The following XKR9 variants were observed in gnomAD, a reference collection of about 807,000 sequenced individuals.
XKR9 encodes the protein XK-related protein 9.
In XKR9, 32 loss-of-function variants were observed where a neutral mutation model predicts 32.0. The ratio of observed to expected loss-of-function variants is 1.00; its 90% CI spans 0.76 to 1.34. XKR9 has a LOEUF of 1.34. XKR9 is among the 40% of genes most tolerant of loss of function. XKR9 has a pLI of 0.00. For synonymous variants in XKR9, 168 were observed against 143.4 expected, an observed-to-expected ratio of 1.17 and a Z score of -1.22; for missense variants, 546 against 429.7, an observed-to-expected ratio of 1.27 and a Z score of -2.39.
At chr8:70,727,320 A>T (rs1048085293) in intron 4 of XKR9, among the ~76,000 whole-genome samples, 1 of 140,132 alleles carries the variant, frequency 7.1e-6, no homozygotes, top group Non-Finnish European at 1.6e-5. Context: ...TGAATTAAAG[A>T]AGACAAGTTT....
intron 3 of XKR9, among the ~76,000 whole-genome samples, 158 bp from the exon 4 acceptor site, chr8:70,706,775 C>T (rs1158291081): frequency 6.6e-6 from 1 of 151,976 alleles, no homozygotes; most frequent in Non-Finnish European, 1.5e-5. Context: ...CTCAATAAAG[C>T]CACTATGAGA....
chr8:70,851,877 G>A, the XKR9 span, among the ~76,000 whole-genome samples: 1 of 152,146 alleles, frequency 6.6e-6, no homozygotes, highest in African/African-American at 2.4e-5. Context: ...GCATGGGCAA[G>A]GACTTCATGA....
chr8:70,873,085 C>T, the XKR9 span, among the ~76,000 whole-genome samples: 1 of 152,166 alleles, frequency 6.6e-6, no homozygotes, highest in Non-Finnish European at 1.5e-5. Flanking sequence ...TGGATGACAG[C>T]ACATATGTTT....
At chr8:70,796,821 A>G in the XKR9 span, among the ~76,000 whole-genome samples, 2 of 152,218 alleles carry the variant, frequency 1.3e-5, no homozygotes, top group African/African-American at 4.8e-5. Flanking sequence ...TATTTGTTGA[A>G]TGAACACTTA....
At chr8:70,681,547 G>T (rs1563418801) in intron 3 of XKR9, among the ~76,000 whole-genome samples, 1 of 151,920 alleles carries the variant, frequency 6.6e-6, no homozygotes, top group African/African-American at 2.4e-5. Context: ...ATCTAATTAG[G>T]TTTTTTCTGA....
At chr8:70,855,593 C>G in the XKR9 span, among the ~76,000 whole-genome samples, 2 of 152,240 alleles carry the variant, frequency 1.3e-5, no homozygotes, top group Non-Finnish European at 2.9e-5. Context: ...TCTAGGAAGG[C>G]AGGCCAACGT....
intron 2 of XKR9, among the ~76,000 whole-genome samples, chr8:70,762,160 A>G (rs919444056): frequency 3.3e-5 from 5 of 152,112 alleles, no homozygotes; most frequent in African/African-American, 1.2e-4. Context: ...ATTTTTGATT[A>G]GGATTGCCTT....
the XKR9 span, among the ~76,000 whole-genome samples, chr8:70,860,259 G>A: frequency 6.6e-6 from 1 of 152,018 alleles, no homozygotes; most frequent in African/African-American, 2.4e-5. Context: ...GTTCATGAAG[G>A]TGGAGCCCTC....
chr8:70,777,761 G>T (rs567555012), intron 2 of XKR9, among the ~76,000 whole-genome samples: 1 of 152,162 alleles, frequency 6.6e-6, no homozygotes, highest in Non-Finnish European at 1.5e-5. Flanking sequence ...ATCTTCTTTT[G>T]AGAAGTGTCT....
chr8:70,848,432 G>T, the XKR9 span, among the ~76,000 whole-genome samples: 5 of 151,740 alleles, frequency 3.3e-5, no homozygotes, highest in Non-Finnish European at 7.4e-5. Flanking sequence ...AATACTGAAA[G>T]TCCTGGCCAA....
chr8:70,857,899 T>C, the XKR9 span, among the ~76,000 whole-genome samples: 1 of 152,134 alleles, frequency 6.6e-6, no homozygotes, highest in Admixed American at 6.5e-5. Flanking sequence ...GAAAAGGCCT[T>C]TGACAAAATT....
At chr8:70,707,642 G>T (rs1222020140) in intron 4 of XKR9, among the ~76,000 whole-genome samples, 1 of 151,888 alleles carries the variant, frequency 6.6e-6, no homozygotes, top group African/African-American at 2.4e-5. Flanking sequence ...AAAAAATGCT[G>T]CAACGAGTAA....
chr8:70,716,306 A>G (rs987528542), intron 4 of XKR9, among the ~76,000 whole-genome samples: 6 of 152,156 alleles, frequency 3.9e-5, no homozygotes, highest in African/African-American at 1.2e-4. Context: ...AGCAATAAAA[A>G]CACTGCACTT....
intron 2 of XKR9, among the ~76,000 whole-genome samples, chr8:70,753,773 AT>A (rs1444646534): frequency 6.6e-6 from 1 of 151,334 alleles, no homozygotes; most frequent in East Asian, 1.9e-4. Flanking sequence ...TCTCAAAATA[AT>A]AAGAGCTATC....
chr8:70,845,760 CAA>C, the XKR9 span, among the ~76,000 whole-genome samples: 1 of 151,640 alleles, frequency 6.6e-6, no homozygotes, highest in African/African-American at 2.4e-5. Flanking sequence ...ACAAACAAAA[CAA>C]AGAAAAAATA....
At chr8:70,700,413 A>T (rs1164243227) in intron 3 of XKR9, among the ~76,000 whole-genome samples, 1 of 152,188 alleles carries the variant, frequency 6.6e-6, no homozygotes, top group East Asian at 1.9e-4. Context: ...CAGGACCCTC[A>T]GCTGCAGGTC....
the XKR9 span, among the ~76,000 whole-genome samples, chr8:70,981,382 C>G: frequency 1.3e-5 from 2 of 151,964 alleles, no homozygotes; most frequent in Non-Finnish European, 1.5e-5. Flanking sequence ...TAATTGAAGG[C>G]CTTGTCTTCA....
chr8:70,834,443 G>A, the XKR9 span, among the ~76,000 whole-genome samples: 1 of 152,004 alleles, frequency 6.6e-6, no homozygotes, highest in African/African-American at 2.4e-5. Context: ...ATTTTTACAT[G>A]TGCTACTGCT....
At chr8:70,749,657 A>G (rs1419198251) in intron 2 of XKR9, among the ~76,000 whole-genome samples, 1 of 152,166 alleles carries the variant, frequency 6.6e-6, no homozygotes, top group African/African-American at 2.4e-5. Context: ...CACCCTTGGC[A>G]GGCATGGGAT....
Sources: gnomAD v4.1 joint callset for allele counts (sites outside exome capture counted in the v4.1 genomes callset) on GRCh38, gnomAD v4.1.1 for gene constraint, MANE v1.5 for transcripts, NCBI Gene and HGNC (gene_info 2026-07-23, HGNC 2026-07-21) for gene names.